Variants in DCTN4 observed in about 807,000 individuals in gnomAD.
DCTN4 encodes dynactin 4 (p62).
DCTN4 carries 23 observed loss-of-function variants against 62.7 expected under a neutral mutation model. That is an observed-to-expected ratio of 0.37 (90% CI 0.26 to 0.52). The LOEUF (loss-of-function observed/expected upper bound fraction) is 0.52. Ranked by LOEUF, DCTN4 falls within the 20% of genes least tolerant of loss-of-function variation. The probability of loss-of-function intolerance (pLI) is 0.92; values close to 1 mark genes in which losing one functional copy is unlikely to be tolerated. For missense variants in DCTN4, 514 were observed against 580.4 expected (o/e 0.89, Z 1.18); for synonymous variants, 199 against 202.1 (o/e 0.98, Z 0.13).
intron 3 of DCTN4, among the ~76,000 whole-genome samples, chr5:150,743,818 G>C (rs1418094732): frequency 6.6e-6 from 1 of 152,074 alleles, no homozygotes; most frequent in Non-Finnish European, 1.5e-5. Flanking sequence ...ACCAAAAGTA[G>C]ATAAAATCAC....
chr5:150,711,085 T>C lies in DCTN4; in HGVS notation c.*64A>G. 1 of 1,467,722 alleles carries C rather than the reference T, an allele frequency of 6.8e-7. No individual in the cohort carries two copies. 90.9% of individuals were successfully genotyped at this position (1,467,722 alleles called of 1,614,324 possible). On this transcript the variant is annotated 3_prime_UTR_variant, in exon 13 of 13. Coordinates refer to ENST00000447998, the MANE Select transcript of DCTN4 (RefSeq NM_016221.4). ...AACAAGGCCTAATGAAGCAGCAGCT[T>C]CCACATTTTAACGCAGGTTTACGGT...
chr5:150,746,980 GA>G (rs1317662376), intron 3 of DCTN4, among the ~76,000 whole-genome samples: 3 of 152,084 alleles, frequency 2.0e-5, no homozygotes, highest in Admixed American at 6.5e-5. Context: ...ATTCAATTAG[GA>G]AAAGAGGAAG....
intron 11 of DCTN4, among the ~76,000 whole-genome samples, chr5:150,716,663 TA>T (rs1759768244): frequency 6.6e-6 from 1 of 152,208 alleles, no homozygotes; most frequent in Admixed American, 6.5e-5. Context: ...CTCAGATCTG[TA>T]ATCTCAGCAC....
chr5:150,729,869 C>T (rs1760294198), intron 8 of DCTN4, among the ~76,000 whole-genome samples: 1 of 151,582 alleles, frequency 6.6e-6, no homozygotes, highest in African/African-American at 2.4e-5. Flanking sequence ...TCCTTCTTTC[C>T]TCTTTCCCTT....
In DCTN4 at chr5:150,733,396, C is replaced by T. The variant is rs1212976323; in HGVS notation, c.509G>A (p.Arg170His). The change falls in exon 5 of 13, where the codon CGT becomes CAT. Residue 170 changes from arginine to histidine, a missense_variant. Arg to His is a conservative substitution (Grantham distance 29). Coordinates refer to ENST00000447998, the MANE Select transcript of DCTN4 (RefSeq NM_016221.4). The part of the protein sequence containing the change: ...VERDRKKLAR[R>H]RNYMPLAFSD... ...AAAAGCCAGAGGCATATAGTTTCTA[C>T]GTCGTGCCAGTTTCTTGCGATCTCG... 2.2e-5 allele frequency: 35 copies of T among 1,613,816 alleles called. No homozygotes were observed. The highest frequency in any genetic ancestry group is 5.3e-5 in the African/African-American group (4 of 74,912).
At position 150,711,365 on chromosome 5, in the gene DCTN4, A is replaced by G. The variant is rs2151463842; in HGVS notation, c.1170-3T>C. On this transcript the variant is annotated splice_region_variant and splice_polypyrimidine_tract_variant and intron_variant, in intron 12 of 12. Coordinates refer to ENST00000447998, the MANE Select transcript of DCTN4 (RefSeq NM_016221.4). ...TGGCCTTTCTGAAGGCTATAATGCTATGGAAAGAAAAAAAAGCAAGTATTA... is the reference window on the plus strand; with the variant it reads ...TGGCCTTTCTGAAGGCTATAATGCTGTGGAAAGAAAAAAAAGCAAGTATTA... 1.2e-6 allele frequency: 2 copies of G among 1,611,606 alleles called. No homozygotes were observed. The highest frequency in any genetic ancestry group is 1.7e-6 in the Non-Finnish European group (2 of 1,179,234).
At position 150,756,410 on chromosome 5, in the gene DCTN4, G is replaced by C. The variant is rs908035227; in HGVS notation, c.206+7C>G. On this transcript the variant is annotated splice_region_variant and intron_variant, in intron 2 of 12. Transcript: ENST00000447998. The stretch of plus-strand genomic sequence containing the variant: ...AGGAAGAAAAAAAAAATCAGTCCAG[G>C]TCTTACCTATTCTTTTTTAGTTTGG... 4.4e-6 allele frequency: 7 copies of C among 1,581,004 alleles called. No individual in the cohort carries two copies. Among genetic ancestry groups the C allele is most frequent in the Admixed American group, 1.8e-5 (1 of 54,086 alleles).
intron 2 of DCTN4, among the ~76,000 whole-genome samples, chr5:150,755,935 C>T (rs75390662): frequency 0.035 from 5,363 of 151,856 alleles, 327 homozygotes; most frequent in African/African-American, 0.12. Context: ...CAAAACTGTT[C>T]TAAAGTAGAA....
intron 1 of DCTN4, among the ~76,000 whole-genome samples, chr5:150,756,746 T>C (rs920795578): frequency 1.3e-5 from 2 of 151,816 alleles, no homozygotes; most frequent in African/African-American, 4.8e-5. Flanking sequence ...TATTTAACAA[T>C]CTACAATTTC....
intron 12 of DCTN4, among the ~76,000 whole-genome samples, chr5:150,712,140 AT>A (rs1018376619): frequency 6.6e-6 from 1 of 151,528 alleles, no homozygotes; most frequent in Admixed American, 6.6e-5. Context: ...TTATTTATTT[AT>A]TTTTTTGAGA....
intron 8 of DCTN4, among the ~76,000 whole-genome samples, 175 bp from the exon 9 acceptor site, chr5:150,723,155 G>A (rs187931313): frequency 1.1e-4 from 17 of 152,192 alleles, no homozygotes; most frequent in African/African-American, 2.9e-4. Context: ...AAAGATGTTC[G>A]CACTTCCTGA....
chr5:150,723,212 A>G (rs1202251442), intron 8 of DCTN4, among the ~76,000 whole-genome samples: 2 of 152,222 alleles, frequency 1.3e-5, no homozygotes, highest in African/African-American at 4.8e-5. Flanking sequence ...TGTGGTACTT[A>G]AAAACTACTA....
At chr5:150,727,157 A>G (rs1308832586) in intron 8 of DCTN4, among the ~76,000 whole-genome samples, 1 of 152,108 alleles carries the variant, frequency 6.6e-6, no homozygotes, top group Non-Finnish European at 1.5e-5. Context: ...CTTATCTGGG[A>G]TATTTGAGGG....
intron 8 of DCTN4, among the ~76,000 whole-genome samples, chr5:150,726,571 C>T (rs1447914446): frequency 6.6e-6 from 1 of 152,156 alleles, no homozygotes; most frequent in Non-Finnish European, 1.5e-5. Flanking sequence ...TTAATAGTAT[C>T]AGCTGGCACT....
intron 4 of DCTN4, among the ~76,000 whole-genome samples, chr5:150,738,030 T>C (rs550579520): frequency 6.6e-6 from 1 of 152,118 alleles, no homozygotes; most frequent in East Asian, 1.9e-4. Context: ...GATGGATAAA[T>C]TCCTGGAAAT....
At chr5:150,735,546 GT>G (rs1191498558) in intron 4 of DCTN4, among the ~76,000 whole-genome samples, 6 of 152,136 alleles carry the variant, frequency 3.9e-5, no homozygotes, top group African/African-American at 1.4e-4. Context: ...CTCTGGCCGG[GT>G]GGCTAGACCC....
rs754977483 is a variant in DCTN4 at position 150,731,208 on chromosome 5, G to C, written c.612-52C>G. On this transcript the variant is annotated intron_variant, in intron 6 of 12. Coordinates refer to ENST00000447998, the MANE Select transcript of DCTN4 (RefSeq NM_016221.4). Reference sequence around the variant, plus strand: ...ACAAAACAAAAGAGTAATTTCTCACGGATCCACCTGATTATCCTCAGTCTA... The same window carrying C: ...ACAAAACAAAAGAGTAATTTCTCACCGATCCACCTGATTATCCTCAGTCTA... The C allele has an allele frequency of 4.0e-6, 5 of 1,244,358 alleles. No homozygotes were observed. The East Asian group carries it at 1.2e-4, about 29-fold the overall frequency. The allele number at this position is 1,244,358 out of a possible 1,614,324, so 77.1% of individuals were successfully genotyped here. A position where few individuals can be genotyped will look rare whatever the true frequency, so the allele number is the denominator to read the frequency against.
intron 1 of DCTN4, 46 bp downstream of exon 1, chr5:150,758,813 C>T (rs747786295): frequency 2.5e-6 from 4 of 1,600,882 alleles, no homozygotes; most frequent in South Asian, 2.2e-5. Flanking sequence ...GCATGAACGC[C>T]GCGCCCCCCC....
At chr5:150,717,762 C>T (rs1238026240) in intron 11 of DCTN4, among the ~76,000 whole-genome samples, 1 of 152,172 alleles carries the variant, frequency 6.6e-6, no homozygotes, top group East Asian at 1.9e-4. Flanking sequence ...GAATAGCATA[C>T]ACAATTCTCC....
Sources: allele counts gnomAD v4.1 joint callset (sites outside exome capture counted in the v4.1 genomes callset), GRCh38; gene constraint gnomAD v4.1.1; transcripts MANE v1.5; gene names NCBI Gene and HGNC (gene_info 2026-07-23, HGNC 2026-07-21).